The following SLC44A1 variants were observed in gnomAD, a reference collection of about 807,000 sequenced individuals.
SLC44A1 encodes solute carrier family 44 member 1, also known as choline transporter-like protein 1.
In SLC44A1, 26 loss-of-function variants were observed where a neutral mutation model predicts 79.3. That is an observed-to-expected ratio of 0.33 (90% CI 0.24 to 0.46). The LOEUF (loss-of-function observed/expected upper bound fraction) is 0.46, where lower values mean the gene tolerates loss of function less well. SLC44A1 is among the 20% of genes least tolerant of loss of function. The pLI is 1.00. For missense variants in SLC44A1, 688 were observed against 798.1 expected, an observed-to-expected ratio of 0.86 and a Z score of 1.66; for synonymous variants, 263 against 286.2, an observed-to-expected ratio of 0.92 and a Z score of 0.82.
downstream of SLC44A1, among the ~76,000 whole-genome samples, chr9:105,400,686 A>T (rs142921204): frequency 9.2e-5 from 14 of 152,272 alleles, no homozygotes; most frequent in East Asian, 5.8e-4. Context: ...AAAATGGATT[A>T]AAAAATTTAG....
At chr9:105,402,770 A>G (rs2131499914) in intron 15 of SLC44A1, among the ~76,000 whole-genome samples, 1 of 152,254 alleles carries the variant, frequency 6.6e-6, no homozygotes, top group East Asian at 1.9e-4. Flanking sequence ...AATAACATGC[A>G]ATATGTTTTT....
In SLC44A1 at chr9:105,385,719, C is replaced by G. The variant is rs10991646; in HGVS notation, c.1950+217C>G. On this transcript the variant is annotated intron_variant, in intron 15 of 15. Transcript: ENST00000374720. ...TTCTATAAAAGTAAGCTGAAAGGAA[C>G]AGCATCCTCGTCAGTGCTCGGCAGG... is the stretch of plus-strand genomic sequence containing the variant. 1.2e-3 allele frequency: 1,157 copies of G among 985,420 alleles called. 5 individuals carry two copies. Among genetic ancestry groups the G allele is most frequent in the Middle Eastern group, 8.9e-3 (17 of 1,912 alleles). 61.0% of individuals were successfully genotyped at this position (985,420 alleles called of 1,614,324 possible).
intron 3 of SLC44A1, among the ~76,000 whole-genome samples, chr9:105,326,879 G>T (rs1826594936): frequency 1.3e-5 from 2 of 152,210 alleles, no homozygotes; most frequent in East Asian, 3.9e-4. Context: ...AGGTCCATTT[G>T]GACACTTCAT....
In SLC44A1 at chr9:105,386,476, G is replaced by T. The variant is rs543948000; in HGVS notation, c.1950+974G>T. The T allele has an allele frequency of 5.1e-6, 5 of 977,588 alleles. No individual in the cohort carries two copies. The African/African-American group carries it at 5.3e-5, about 10-fold the overall frequency. The allele number at this position is 977,588 out of a possible 1,614,324, so 60.6% of individuals were successfully genotyped here. A position where few individuals can be genotyped will look rare whatever the true frequency, so the allele number is the denominator to read the frequency against. ...TTCTTTACACTTTAGTAAATGATTT[G>T]ATTTATAGCAAGTTTGTCCAACTTG... On this transcript the variant is annotated intron_variant, in intron 15 of 15. Transcript: ENST00000374720.
At chr9:105,419,914 C>CAAAAA (rs59244219) in intron 15 of SLC44A1, among the ~76,000 whole-genome samples, 9 of 53,400 alleles carry the variant, frequency 1.7e-4, no homozygotes, top group African/African-American at 4.4e-4. Flanking sequence ...AACTCTGTCT[C>CAAAAA]AAAAAAAAAA....
chr9:105,354,977 G>A (rs553358999), intron 5 of SLC44A1, among the ~76,000 whole-genome samples: 9 of 152,238 alleles, frequency 5.9e-5, no homozygotes, highest in African/African-American at 2.2e-4. Context: ...CCAAGACTGA[G>A]GAACACATTT....
At chr9:105,376,345 ACACACT>A (rs1314364696) in intron 13 of SLC44A1, among the ~76,000 whole-genome samples, 4 of 130,540 alleles carry the variant, frequency 3.1e-5, no homozygotes, top group Non-Finnish European at 6.5e-5. Context: ...ACACACACAC[ACACACT>A]ACACACACAC....
chr9:105,367,272 C>T (rs1827971093), intron 12 of SLC44A1, among the ~76,000 whole-genome samples: 1 of 152,150 alleles, frequency 6.6e-6, no homozygotes, highest in Non-Finnish European at 1.5e-5. Flanking sequence ...TTGCACTTTC[C>T]ATTCACTCCA....
chr9:105,383,238 C>T lies in SLC44A1; in HGVS notation c.1748C>T (p.Ala583Val), dbSNP rs1828529077. The T allele has an allele frequency of 6.2e-7, 1 of 1,613,936 alleles. No homozygotes were observed. Among genetic ancestry groups the T allele is most frequent in the Non-Finnish European group, 8.5e-7 (1 of 1,179,854 alleles). ...IIVCLFAFLV[A>V]HCFLSIYEMV... ...GTCTGCCTCTTTGCTTTCCTAGTCG[C>T]TCATTGCTTCCTGTCTATTTATGAA... is the stretch of plus-strand genomic sequence containing the variant. The change falls in exon 14 of 16, where the codon GCT becomes GTT. Residue 583 changes from alanine to valine, a missense_variant. Physicochemically the swap from Ala to Val is moderately conservative, Grantham distance 64 (BLOSUM62 0). Transcript: ENST00000374720.
chr9:105,383,684 G>A (rs886360083), intron 14 of SLC44A1, among the ~76,000 whole-genome samples: 1 of 152,164 alleles, frequency 6.6e-6, no homozygotes, highest in African/African-American at 2.4e-5. Flanking sequence ...TTCCTGAAAT[G>A]GGGCTCAAAG....
chr9:105,428,779 A>G (rs944686946), intron 15 of SLC44A1, among the ~76,000 whole-genome samples: 8 of 152,194 alleles, frequency 5.3e-5, no homozygotes, highest in Non-Finnish European at 1.0e-4. Context: ...GGCGCCCTAC[A>G]GCCTCCGCCT....
At chr9:105,276,561 G>T (rs1309487894) in intron 1 of SLC44A1, among the ~76,000 whole-genome samples, 11 of 118,462 alleles carry the variant, frequency 9.3e-5, no homozygotes, top group Non-Finnish European at 5.9e-5. Context: ...CGGGGATGGG[G>T]AGCCGTGTGT....
intron 5 of SLC44A1, among the ~76,000 whole-genome samples, chr9:105,351,632 G>GAGAAAAGAAAGAA (rs1554797208): frequency 9.9e-6 from 1 of 101,358 alleles, no homozygotes; most frequent in Non-Finnish European, 2.0e-5. Context: ...GAGAGAGAAA[G>GAGAAAAGAAAGAA]AGAAAGAAAG....
chr9:105,256,328 G>C (rs1001213123), intron 1 of SLC44A1, among the ~76,000 whole-genome samples: 2 of 151,940 alleles, frequency 1.3e-5, no homozygotes, highest in African/African-American at 4.8e-5. Context: ...ATATTCTTGT[G>C]GTAATTTTAT....
intron 3 of SLC44A1, among the ~76,000 whole-genome samples, chr9:105,335,178 A>G (rs1201962128): frequency 6.6e-6 from 1 of 152,092 alleles, no homozygotes; most frequent in Non-Finnish European, 1.5e-5. Flanking sequence ...TTTACAGTTT[A>G]TATATAAACT....
intron 4 of SLC44A1, among the ~76,000 whole-genome samples, chr9:105,336,267 A>T (rs576936656): frequency 6.6e-6 from 1 of 152,084 alleles, no homozygotes; most frequent in Non-Finnish European, 1.5e-5. Flanking sequence ...TACTTTTTCA[A>T]TGAGTCGGTG....
At chr9:105,408,940 G>T (rs1478592315) in intron 15 of SLC44A1, among the ~76,000 whole-genome samples, 1 of 151,858 alleles carries the variant, frequency 6.6e-6, no homozygotes, top group African/African-American at 2.4e-5. Context: ...TAACCCCCAA[G>T]GTAACATTAA....
chr9:105,389,010 C>T, intron 15 of SLC44A1, 23 bp from the exon 16 acceptor site: 1 of 1,590,200 alleles, frequency 6.3e-7, no homozygotes, highest in South Asian at 1.1e-5. Context: ...TAAGATTATA[C>T]TCTGTATGAC....
chr9:105,281,217 A>G (rs1194884087), intron 1 of SLC44A1, among the ~76,000 whole-genome samples: 5 of 152,190 alleles, frequency 3.3e-5, no homozygotes, highest in African/African-American at 1.2e-4. Flanking sequence ...AAGTCATACA[A>G]TGACTGAAGA....
Sources: allele counts gnomAD v4.1 joint callset (sites outside exome capture counted in the v4.1 genomes callset), GRCh38; gene constraint gnomAD v4.1.1; transcripts MANE v1.5; gene names NCBI Gene and HGNC (gene_info 2026-07-23, HGNC 2026-07-21).